Variants in VPS13B observed in about 807,000 individuals in gnomAD.
VPS13B encodes intermembrane lipid transfer protein VPS13B.
A neutral mutation model predicts 426.4 loss-of-function variants in VPS13B; 285 were observed. The observed-to-expected ratio is 0.67, with a 90% CI of 0.61 to 0.74. VPS13B has a LOEUF of 0.74. Ranked by LOEUF, VPS13B falls within the 30% of genes least tolerant of loss-of-function variation. The pLI is 0.00. For missense variants in VPS13B, 4,537 were observed against 4,782.6 expected, an observed-to-expected ratio of 0.95 and a Z score of 1.51; for synonymous variants, 1,676 against 1,676.4, an observed-to-expected ratio of 1.00 and a Z score of 0.01.
At chr8:99,123,284 C>T (rs1333432186) in intron 8 of VPS13B, among the ~76,000 whole-genome samples, 1 of 151,958 alleles carries the variant, frequency 6.6e-6, no homozygotes, top group Non-Finnish European at 1.5e-5. Flanking sequence ...AAAGAGGAAG[C>T]CTTATTGATA....
chr8:99,145,048 G>A (rs1407472138), intron 13 of VPS13B, among the ~76,000 whole-genome samples: 1 of 152,108 alleles, frequency 6.6e-6, no homozygotes, highest in African/African-American at 2.4e-5. Flanking sequence ...CCTTGAGGTA[G>A]GAACAGTTTG....
chr8:99,457,150 G>T lies in VPS13B; in HGVS notation c.3446-10264G>T, dbSNP rs187917132. Reference sequence around the variant, plus strand: ...GGGTTCAAGCCATTCTCCCGCCTCAGCCTCCTGAGTAGCCACGATCACAGG... The same window carrying T: ...GGGTTCAAGCCATTCTCCCGCCTCATCCTCCTGAGTAGCCACGATCACAGG... On this transcript the variant is annotated intron_variant, in intron 23 of 61. Coordinates refer to ENST00000357162, the MANE Select transcript of VPS13B (RefSeq NM_152564.5). Among the ~76,000 whole-genome samples the T allele has an allele frequency of 4.6e-5, 7 of 151,692 alleles. No homozygotes were observed. In the East Asian group the frequency reaches 1.4e-3, roughly 29 times the overall value.
At chr8:99,488,304 A>T (rs138532947) in intron 25 of VPS13B, among the ~76,000 whole-genome samples, 23 of 152,278 alleles carry the variant, frequency 1.5e-4, no homozygotes, top group African/African-American at 5.5e-4. Flanking sequence ...AGAGGAAAAA[A>T]GGGAAAATTC....
chr8:99,150,142 GATC>G (rs1810985195), intron 14 of VPS13B, among the ~76,000 whole-genome samples: 1 of 152,162 alleles, frequency 6.6e-6, no homozygotes, highest in Non-Finnish European at 1.5e-5. Flanking sequence ...ACGATTAAGA[GATC>G]ATGTAGAGAA....
At chr8:99,397,853 T>G (rs1452764505) in intron 21 of VPS13B, among the ~76,000 whole-genome samples, 6 of 152,202 alleles carry the variant, frequency 3.9e-5, no homozygotes. Context: ...TACTCTTGAC[T>G]AGAAGCTAGT....
chr8:99,324,789 T>A (rs1810155054), intron 19 of VPS13B, among the ~76,000 whole-genome samples: 1 of 152,174 alleles, frequency 6.6e-6, no homozygotes, highest in Non-Finnish European at 1.5e-5. Flanking sequence ...ATTATTTATA[T>A]ATTGAGGGGA....
chr8:99,870,233 A>G (rs1020642642), intron 59 of VPS13B, among the ~76,000 whole-genome samples: 10 of 152,140 alleles, frequency 6.6e-5, no homozygotes, highest in African/African-American at 2.2e-4. Context: ...CAGTGACACA[A>G]TCATAGCTCA....
intron 39 of VPS13B, among the ~76,000 whole-genome samples, chr8:99,737,498 G>C (rs1225624879): frequency 6.6e-6 from 1 of 151,898 alleles, no homozygotes; most frequent in Non-Finnish European, 1.5e-5. Flanking sequence ...ATCACCTCTT[G>C]TTTTCCATCC....
intron 25 of VPS13B, among the ~76,000 whole-genome samples, chr8:99,492,915 A>G (rs1379092475): frequency 6.6e-6 from 1 of 152,230 alleles, no homozygotes; most frequent in East Asian, 1.9e-4. Context: ...CAGGTACCTC[A>G]ATTGGAAATG....
chr8:99,712,811 A>G (rs1489020763), intron 36 of VPS13B, among the ~76,000 whole-genome samples: 7 of 150,340 alleles, frequency 4.7e-5, no homozygotes, highest in African/African-American at 1.5e-4. Context: ...GTGTTTTTCT[A>G]TATTTGTTTT....
intron 33 of VPS13B, among the ~76,000 whole-genome samples, chr8:99,616,550 G>T (rs184111119): frequency 4.6e-5 from 7 of 152,148 alleles, no homozygotes; most frequent in African/African-American, 1.7e-4. Flanking sequence ...AGATATGGCC[G>T]GGCGCAGTGG....
At chr8:99,245,878 GATT>G (rs1817189850) in intron 17 of VPS13B, among the ~76,000 whole-genome samples, 1 of 152,148 alleles carries the variant, frequency 6.6e-6, no homozygotes, top group South Asian at 2.1e-4. Context: ...AAAGCGGTAT[GATT>G]ATTTTACTGT....
At position 99,511,173 on chromosome 8, in the gene VPS13B, G is replaced by C. The variant is rs1821771897; in HGVS notation, c.4294G>C (p.Val1432Leu). Residue 1432 changes from valine to leucine, a missense_variant, in exon 29 of 62, where the codon GTA (valine) becomes CTA (leucine). Coordinates refer to ENST00000357162, the MANE Select transcript of VPS13B (RefSeq NM_152564.5). ...CCTCTCTCTGACATACACAAAAGCT[G>C]TAACAAAAAATGTCCGCCACAAGTT... ...GFLSLTYTKA[V>L]TKNVRHKLTS... The C allele has an allele frequency of 6.2e-7, 1 of 1,613,956 alleles. No individual in the cohort carries two copies. Among genetic ancestry groups the C allele is most frequent in the East Asian group, 2.2e-5 (1 of 44,862 alleles).
chr8:99,549,907 A>G (rs1426799242), intron 30 of VPS13B, among the ~76,000 whole-genome samples: 12 of 152,062 alleles, frequency 7.9e-5, no homozygotes, highest in Non-Finnish European at 1.6e-4. Context: ...ACTTGTTTCT[A>G]TGTTGCCTTC....
chr8:99,776,799 A>G lies in VPS13B; in HGVS notation c.7272A>G (p.Gln2424=). 1 of 1,613,996 alleles carries G rather than the reference A, an allele frequency of 6.2e-7. No homozygotes were observed. Among genetic ancestry groups the G allele is most frequent in the Non-Finnish European group, 8.5e-7 (1 of 1,179,946 alleles). The change falls in exon 41 of 62, where the codon CAA becomes CAG. Residue 2424 remains glutamine (Q), a synonymous_variant. Coordinates refer to ENST00000357162, the MANE Select transcript of VPS13B (RefSeq NM_152564.5). ...DQSSASESGS[Q]STCDPLVTPT... is the part of the protein sequence containing the mutation. ...GCTCTGCAAGTGAGTCTGGTTCTCA[A>G]AGCACTTGTGATCCACTTGTGACTC...
At chr8:99,543,242 G>A (rs1172413022) in intron 30 of VPS13B, among the ~76,000 whole-genome samples, 1 of 152,178 alleles carries the variant, frequency 6.6e-6, no homozygotes, top group East Asian at 1.9e-4. Context: ...ATGGTGCTGG[G>A]AAAACTGGCT....
intron 4 of VPS13B, among the ~76,000 whole-genome samples, chr8:99,099,398 C>T (rs917233071): frequency 8.5e-5 from 13 of 152,110 alleles, no homozygotes; most frequent in South Asian, 2.1e-4. Flanking sequence ...AGTCATCAAC[C>T]GTGGCATTTC....
rs568979507 is a variant in VPS13B, at chr8:99,554,098, A to C, written c.4746-2352A>C. 6.3e-4 allele frequency among the ~76,000 whole-genome samples: 96 copies of C among 152,184 alleles called. 2 individuals carry two copies. The South Asian group carries it at 0.019, about 31-fold the overall frequency. On this transcript the variant is annotated intron_variant, in intron 30 of 61. Coordinates refer to ENST00000357162, the MANE Select transcript of VPS13B (RefSeq NM_152564.5). Reference sequence around the variant, plus strand: ...TCTGATGAAACTTGGTGTTTTTGTGATTGTAATCTTGTTAATTATACAGCT... The same window carrying C: ...TCTGATGAAACTTGGTGTTTTTGTGCTTGTAATCTTGTTAATTATACAGCT...
At chr8:99,226,202 T>C (rs940952792) in intron 17 of VPS13B, among the ~76,000 whole-genome samples, 2 of 151,894 alleles carry the variant, frequency 1.3e-5, no homozygotes, top group African/African-American at 4.8e-5. Context: ...AAACATAGAG[T>C]CTCTCATACC....
Sources: allele counts gnomAD v4.1 joint callset (sites outside exome capture counted in the v4.1 genomes callset), GRCh38; gene constraint gnomAD v4.1.1; transcripts MANE v1.5; gene names NCBI Gene and HGNC (gene_info 2026-07-23, HGNC 2026-07-21).